ASH1L: variants seen among roughly 807,000 people sequenced by gnomAD.
ASH1L encodes ASH1 like histone lysine methyltransferase.
ASH1L carries 23 observed loss-of-function variants against 269.0 expected under a neutral mutation model. The ratio of observed to expected loss-of-function variants is 0.09; its 90% CI spans 0.06 to 0.12. The LOEUF is 0.12. ASH1L is among the 10% of genes least tolerant of loss of function. The probability of loss-of-function intolerance (pLI) is 1.00; values close to 1 mark genes in which losing one functional copy is unlikely to be tolerated. For synonymous variants in ASH1L, 1,187 were observed against 1,253.5 expected, an observed-to-expected ratio of 0.95 and a Z score of 1.12; for missense variants, 2,912 against 3,567.8, an observed-to-expected ratio of 0.82 and a Z score of 4.68.
intron 1 of ASH1L, among the ~76,000 whole-genome samples, chr1:155,551,731 A>C (rs1671229503): frequency 6.7e-6 from 1 of 149,354 alleles, no homozygotes; most frequent in South Asian, 2.1e-4. Flanking sequence ...GCACTTTGGG[A>C]GGCTAAGACA....
intron 1 of ASH1L, among the ~76,000 whole-genome samples, chr1:155,558,470 T>A (rs1047286336): frequency 7.5e-4 from 113 of 151,418 alleles, no homozygotes; most frequent in Non-Finnish European, 1.5e-3. Flanking sequence ...AAACTCTCTC[T>A]CAAAAAAAAA....
At position 155,521,474 on chromosome 1, in the gene ASH1L, C is replaced by A; in HGVS notation, c.46G>T (p.Glu16Ter). 1 of 1,613,978 alleles carries A rather than the reference C, an allele frequency of 6.2e-7. No homozygotes were observed. The highest frequency in any genetic ancestry group is 1.7e-5 in the Admixed American group (1 of 59,998). Residue 16 changes from glutamate (E) to a stop codon, truncating the protein, a stop_gained, in exon 2 of 28, where the codon GAA becomes TAA. Transcript: ENST00000392403. LOFTEE classifies it high-confidence loss of function. ...GAAGGACTCTTTCTTGAAAAACCTT[C>A]GGAATCAGAACCCAATCCTAACATA... ...TAMLGLGSDSEGFSRKSPSAI... is the reference protein window; with the variant it reads ...TAMLGLGSDS
At chr1:155,420,638 G>C (rs1306241874) in intron 5 of ASH1L, among the ~76,000 whole-genome samples, 1 of 149,846 alleles carries the variant, frequency 6.7e-6, no homozygotes, top group Admixed American at 6.7e-5. Flanking sequence ...ATCACTTGAG[G>C]TCAGGAGTTT....
chr1:155,561,934 C>G, intron 1 of ASH1L: 1 of 477,044 alleles, frequency 2.1e-6, no homozygotes, highest in Non-Finnish European at 3.8e-6. Context: ...CTTCCCAGCC[C>G]CCTCCGGGAG....
At chr1:155,406,171 T>TCCAG (rs1412013451) in intron 6 of ASH1L, among the ~76,000 whole-genome samples, 2 of 133,150 alleles carry the variant, frequency 1.5e-5, no homozygotes, top group Non-Finnish European at 3.0e-5. Flanking sequence ...GCCACTGCAC[T>TCCAG]CCAGCCTGGG....
At position 155,438,343 on chromosome 1, in the gene ASH1L, G is replaced by C. The variant is rs950377043; in HGVS notation, c.5812C>G (p.Gln1938Glu). The change falls in exon 5 of 28, where the codon CAA (glutamine) becomes GAA (glutamate). Residue 1938 changes from glutamine (Q) to glutamate (E), a missense_variant. By Grantham distance (29) the Gln-to-Glu change is conservative. Around this residue, in one of 13 missense-constraint regions of ASH1L, gnomAD observed 789 missense variants for 897.6 expected, o/e 0.88. Coordinates refer to ENST00000392403, the MANE Select transcript of ASH1L (RefSeq NM_018489.3). ...KQKPLPEEEEQENNKSFNEAP... is the reference protein window; with the variant it reads ...KQKPLPEEEEEENNKSFNEAP... ...AGGAATTACCTTTTATTATTCTCTTGCTCTTCTTCCTCTGGTAATGGCTTC... is the reference window on the plus strand; with the variant it reads ...AGGAATTACCTTTTATTATTCTCTTCCTCTTCTTCCTCTGGTAATGGCTTC... The C allele has an allele frequency of 1.3e-5, 21 of 1,563,822 alleles. No individual in the cohort carries two copies. The highest frequency in any genetic ancestry group is 1.6e-5 in the Non-Finnish European group (18 of 1,159,936).
chr1:155,515,065 G>A (rs115904883), intron 2 of ASH1L, among the ~76,000 whole-genome samples: 5,608 of 152,246 alleles, frequency 0.037, 166 homozygotes, highest in South Asian at 0.068. Context: ...TCTGCTGCCA[G>A]TCTGATCCAC....
intron 7 of ASH1L, among the ~76,000 whole-genome samples, chr1:155,389,715 G>C (rs1558055924): frequency 6.6e-6 from 1 of 151,978 alleles, no homozygotes; most frequent in Non-Finnish European, 1.5e-5. Context: ...TCTATATGCA[G>C]GTTTTTCTTT....
chr1:155,379,328 T>C (rs1558046594), intron 8 of ASH1L, among the ~76,000 whole-genome samples: 1 of 152,174 alleles, frequency 6.6e-6, no homozygotes, highest in Non-Finnish European at 1.5e-5. Context: ...AGAGAGGCCA[T>C]TGGAGAAGAC....
chr1:155,356,149 C>G (rs1335110556), intron 15 of ASH1L, among the ~76,000 whole-genome samples: 5 of 151,934 alleles, frequency 3.3e-5, no homozygotes, highest in South Asian at 2.1e-4. Flanking sequence ...GTTGGCCAGG[C>G]TGGCCTCAAA....
chr1:155,458,952 C>CTTTT (rs368224681), intron 4 of ASH1L, among the ~76,000 whole-genome samples: 2 of 134,546 alleles, frequency 1.5e-5, no homozygotes, highest in Admixed American at 7.4e-5. Context: ...CATCCTCTCT[C>CTTTT]TTTTTTTTTT....
Position 155,450,869 on chromosome 1 carries a change from T to C in ASH1L, c.5086+8928A>G, listed in dbSNP as rs538679309. Among the ~76,000 whole-genome samples the C allele has an allele frequency of 5.3e-5, 8 of 152,110 alleles. No individual in the cohort carries two copies. The South Asian group carries it at 1.2e-3, about 24-fold the overall frequency. ...CATACAAAGGAATATTATTCAGCCT[T>C]AAAAGGGAAGGCAATTCTGACACAT... On this transcript the variant is annotated intron_variant, in intron 4 of 27. Coordinates refer to ENST00000392403, the MANE Select transcript of ASH1L (RefSeq NM_018489.3).
intron 12 of ASH1L, among the ~76,000 whole-genome samples, chr1:155,367,487 T>C (rs575334606): frequency 1.3e-5 from 2 of 152,312 alleles, no homozygotes; most frequent in Admixed American, 6.5e-5. Flanking sequence ...ATTTCTAATC[T>C]TTATACTTTT....
chr1:155,420,425 A>G (rs1294100998), intron 5 of ASH1L, among the ~76,000 whole-genome samples: 1 of 151,406 alleles, frequency 6.6e-6, no homozygotes, highest in Non-Finnish European at 1.5e-5. Flanking sequence ...GATATAAATC[A>G]AACAAAATAA....
intron 2 of ASH1L, chr1:155,520,248 G>C (rs1442940635): frequency 1.3e-5 from 2 of 150,506 alleles, no homozygotes; most frequent in African/African-American, 4.9e-5. Flanking sequence ...GCTACTCAGG[G>C]GGCTGAGGCA....
Position 155,343,451 on chromosome 1 carries a change from C to T in ASH1L, c.8156G>A (p.Arg2719His), listed in dbSNP as rs375304383. ...TGGAGAGTGGTGTGTTTCGTGGGGACGGAAATAATGGTGACCAAAGGCAAA... is the reference window on the plus strand; with the variant it reads ...TGGAGAGTGGTGTGTTTCGTGGGGATGGAAATAATGGTGACCAAAGGCAAA... ...ERFAFGHHYF[R>H]PHETHHSPSR... The change falls in exon 24 of 28, where the codon CGT becomes CAT. Residue 2719 changes from arginine (R) to histidine (H), a missense_variant. Coordinates refer to ENST00000392403, the MANE Select transcript of ASH1L (RefSeq NM_018489.3). This position sits in a 1 kb window ranked among gnomAD's most constrained non-coding sequence, Gnocchi z 6.1. The T allele has an allele frequency of 5.0e-6, 8 of 1,613,992 alleles. No homozygotes were observed. Among genetic ancestry groups the T allele is most frequent in the East Asian group, 2.2e-5 (1 of 44,886 alleles).
chr1:155,470,586 C>G (rs897237376), intron 3 of ASH1L, among the ~76,000 whole-genome samples: 8 of 140,876 alleles, frequency 5.7e-5, no homozygotes, highest in Admixed American at 2.9e-4. Context: ...GAGTCTCGCT[C>G]TGTTGCCCAG....
chr1:155,389,322 T>A (rs1459388096), intron 7 of ASH1L, among the ~76,000 whole-genome samples: 2 of 150,880 alleles, frequency 1.3e-5, no homozygotes, highest in African/African-American at 4.9e-5. Context: ...TATTCCCAAA[T>A]AAACCCTTTA....
Position 155,478,410 on chromosome 1 carries a change from T to C in ASH1L, c.4460A>G (p.His1487Arg), listed in dbSNP as rs1665722506. 1.9e-6 allele frequency: 3 copies of C among 1,614,146 alleles called. No homozygotes were observed. Among genetic ancestry groups the C allele is most frequent in the Non-Finnish European group, 2.5e-6 (3 of 1,180,034 alleles). ...WMVEHKHRHR[H>R]KHREHRSSEQ... ...AGAAGAACGGTGTTCTCTGTGTTTGTGACGGTGCCTGTGTTTGTGCTCAAC... is the reference window on the plus strand; with the variant it reads ...AGAAGAACGGTGTTCTCTGTGTTTGCGACGGTGCCTGTGTTTGTGCTCAAC... The change falls in exon 3 of 28, where the codon CAC (histidine) becomes CGC (arginine). Residue 1487 changes from histidine (H) to arginine (R), a missense_variant. Physicochemically the swap from His to Arg is conservative, Grantham distance 29. Coordinates refer to ENST00000392403, the MANE Select transcript of ASH1L (RefSeq NM_018489.3). This position sits in a 1 kb window ranked among gnomAD's most constrained non-coding sequence, Gnocchi z 4.6.
Sources: gnomAD v4.1 joint callset for allele counts (sites outside exome capture counted in the v4.1 genomes callset) on GRCh38, gnomAD v4.1.1 for gene constraint, gnomAD v4.1.1 regional missense constraint, Gnocchi (gnomAD v3.1) non-coding constraint, MANE v1.5 for transcripts, NCBI Gene and HGNC (gene_info 2026-07-23, HGNC 2026-07-21) for gene names.